TMEM132D: variants seen among roughly 807,000 people sequenced by gnomAD.
TMEM132D encodes the protein mature OL transmembrane protein.
TMEM132D carries 21 observed loss-of-function variants against 62.3 expected under a neutral mutation model. The observed-to-expected ratio is 0.34, with a 90% confidence interval of 0.24 to 0.49. The LOEUF is 0.49. Ranked by LOEUF, TMEM132D falls within the 20% of genes least tolerant of loss-of-function variation. The pLI is 0.99. For missense variants in TMEM132D, 1,346 were observed against 1,402.8 expected (o/e 0.96, Z 0.65); for synonymous variants, 621 against 575.6 (o/e 1.08, Z -1.13).
At chr12:129,587,268 C>A (rs1878057739) in intron 2 of TMEM132D, among the ~76,000 whole-genome samples, 1 of 152,136 alleles carries the variant, frequency 6.6e-6, no homozygotes, top group Admixed American at 6.5e-5. Context: ...AGGCCATTAT[C>A]CTCAGCAAAC....
At position 129,704,672 on chromosome 12, in the gene TMEM132D, C is replaced by G. The variant is rs890675241; in HGVS notation, c.80-3974G>C. 2.6e-5 allele frequency among the ~76,000 whole-genome samples: 4 copies of G among 151,966 alleles called. No homozygotes were observed. The Admixed American group carries it at 2.6e-4, about 10-fold the overall frequency. On this transcript the variant is annotated intron_variant, in intron 1 of 8. Transcript: ENST00000422113. Reference sequence around the variant, plus strand: ...ACCCCAGAGCATCCTCACCGTCCCCCCAGGGATGCCGGGTCATATGGTAAC... The same window carrying G: ...ACCCCAGAGCATCCTCACCGTCCCCGCAGGGATGCCGGGTCATATGGTAAC...
intron 3 of TMEM132D, among the ~76,000 whole-genome samples, chr12:129,528,447 AAAAAAT>A (rs911558793): frequency 2.0e-5 from 3 of 150,500 alleles, no homozygotes; most frequent in African/African-American, 7.3e-5. Context: ...AAAAAAAAAA[AAAAAAT>A]CAAACAGTTC....
chr12:129,499,060 A>G (rs777190149), intron 3 of TMEM132D, among the ~76,000 whole-genome samples: 1 of 152,162 alleles, frequency 6.6e-6, no homozygotes, highest in Non-Finnish European at 1.5e-5. Flanking sequence ...ATTGCCTATC[A>G]TGTGCTCTGT....
chr12:129,312,801 A>G (rs1014800845), intron 4 of TMEM132D, among the ~76,000 whole-genome samples: 14 of 152,258 alleles, frequency 9.2e-5, no homozygotes, highest in African/African-American at 2.7e-4. Flanking sequence ...AAGGACATAC[A>G]TTCTAGTTCA....
intron 3 of TMEM132D, among the ~76,000 whole-genome samples, chr12:129,486,695 T>C (rs1874589643): frequency 6.6e-6 from 1 of 152,190 alleles, no homozygotes; most frequent in Admixed American, 6.5e-5. Context: ...CACCATAGAA[T>C]GAGGTGCTTA....
chr12:129,477,849 T>C (rs1017758190), intron 3 of TMEM132D, among the ~76,000 whole-genome samples: 1 of 151,328 alleles, frequency 6.6e-6, no homozygotes, highest in African/African-American at 2.4e-5. Flanking sequence ...AATAGACACA[T>C]ACACACACAC....
intron 3 of TMEM132D, among the ~76,000 whole-genome samples, chr12:129,459,512 T>C (rs1033244115): frequency 6.6e-6 from 1 of 152,128 alleles, no homozygotes; most frequent in Non-Finnish European, 1.5e-5. Flanking sequence ...ATGCGTTCCA[T>C]TTCAGATGGG....
chr12:129,296,013 C>T (rs1018560325), intron 4 of TMEM132D, among the ~76,000 whole-genome samples: 1 of 152,044 alleles, frequency 6.6e-6, no homozygotes, highest in African/African-American at 2.4e-5. Context: ...CACACACATA[C>T]ACTCACATAC....
chr12:129,211,045 C>G (rs924790457), intron 4 of TMEM132D: 6 of 152,148 alleles, frequency 3.9e-5, no homozygotes, highest in African/African-American at 1.2e-4. Flanking sequence ...AGCCTCAAGA[C>G]CCGGTAAGTG....
chr12:129,506,037 G>T (rs2137070705), intron 3 of TMEM132D, among the ~76,000 whole-genome samples: 1 of 152,290 alleles, frequency 6.6e-6, no homozygotes, highest in African/African-American at 2.4e-5. Context: ...TTAGTATTGA[G>T]ATGTGAGGTT....
chr12:129,837,716 T>C (rs1383540722), intron 1 of TMEM132D, among the ~76,000 whole-genome samples: 3 of 152,186 alleles, frequency 2.0e-5, no homozygotes, highest in African/African-American at 7.2e-5. Flanking sequence ...TAAACGCAGA[T>C]GATTTACTTC....
At chr12:129,817,458 GCTC>G (rs1872380373) in intron 1 of TMEM132D, among the ~76,000 whole-genome samples, 1 of 144,546 alleles carries the variant, frequency 6.9e-6, no homozygotes, top group Admixed American at 7.0e-5. Context: ...CCAACCGCTC[GCTC>G]TCTCTCCCCA....
chr12:129,121,102 TTTG>T (rs1462214886), intron 5 of TMEM132D, among the ~76,000 whole-genome samples: 4 of 147,334 alleles, frequency 2.7e-5, no homozygotes, highest in African/African-American at 9.9e-5. Flanking sequence ...ATTTTATTTA[TTTG>T]TTTTTTTTGA....
chr12:129,590,529 C>T (rs76719415), intron 2 of TMEM132D, among the ~76,000 whole-genome samples: 1 of 152,338 alleles, frequency 6.6e-6, no homozygotes, highest in Non-Finnish European at 1.5e-5. Context: ...GCAACATGTC[C>T]AATGAATAGG....
intron 1 of TMEM132D, among the ~76,000 whole-genome samples, chr12:129,864,210 T>C (rs1020915346): frequency 6.6e-6 from 1 of 152,120 alleles, no homozygotes; most frequent in African/African-American, 2.4e-5. Flanking sequence ...CATCAGCCAT[T>C]TGAGCAAACC....
intron 3 of TMEM132D, among the ~76,000 whole-genome samples, chr12:129,518,253 A>G (rs966102432): frequency 1.3e-5 from 2 of 152,176 alleles, no homozygotes; most frequent in African/African-American, 4.8e-5. Flanking sequence ...AATTAATAAA[A>G]CTAAGTCATG....
intron 1 of TMEM132D, among the ~76,000 whole-genome samples, chr12:129,899,750 T>C (rs1275733994): frequency 1.3e-5 from 2 of 152,214 alleles, no homozygotes; most frequent in Non-Finnish European, 2.9e-5. Context: ...ACATAAATAT[T>C]TTTAATAAAA....
At chr12:129,532,170 C>T (rs1876246539) in intron 2 of TMEM132D, among the ~76,000 whole-genome samples, 1 of 152,188 alleles carries the variant, frequency 6.6e-6, no homozygotes, top group Non-Finnish European at 1.5e-5. Flanking sequence ...GCTGTGTTTT[C>T]TCTTAGTCCC....
chr12:129,838,013 G>A (rs1873061250), intron 1 of TMEM132D, among the ~76,000 whole-genome samples: 1 of 152,114 alleles, frequency 6.6e-6, no homozygotes, highest in African/African-American at 2.4e-5. Context: ...CCAGACCTGA[G>A]CTTAAATAGC....
Sources: gnomAD v4.1 joint callset for allele counts (sites outside exome capture counted in the v4.1 genomes callset) on GRCh38, gnomAD v4.1.1 for gene constraint, MANE v1.5 for transcripts, NCBI Gene and HGNC (gene_info 2026-07-23, HGNC 2026-07-21) for gene names.